CUBN: variants seen among roughly 807,000 people sequenced by gnomAD.
CUBN encodes cubilin, also known as 460 kDa receptor.
CUBN carries 282 observed loss-of-function variants against 405.3 expected under a neutral mutation model. The observed-to-expected ratio is 0.70, with a 90% confidence interval of 0.63 to 0.77. CUBN has a LOEUF of 0.77. Ranked by LOEUF, CUBN falls within the 30% of genes least tolerant of loss-of-function variation. The pLI, the probability that CUBN is intolerant of heterozygous loss-of-function variation, is 0.00. For synonymous variants in CUBN, 1,684 were observed against 1,617.0 expected, an observed-to-expected ratio of 1.04 and a Z score of -0.99; for missense variants, 4,514 against 4,475.2, an observed-to-expected ratio of 1.01 and a Z score of -0.25.
chr10:17,008,392 A>T (rs1484350185), intron 28 of CUBN, among the ~76,000 whole-genome samples: 1 of 130,942 alleles, frequency 7.6e-6, no homozygotes, highest in Non-Finnish European at 1.6e-5. Context: ...AGTAATTTTT[A>T]AATTTATTTT....
chr10:16,884,762 G>A (rs1272290927), intron 56 of CUBN, among the ~76,000 whole-genome samples: 8 of 152,050 alleles, frequency 5.3e-5, no homozygotes, highest in Non-Finnish European at 2.9e-5. Context: ...CGCCATATAG[G>A]GACAAGTGTG....
At chr10:16,855,165 G>T (rs78599526) in intron 59 of CUBN, among the ~76,000 whole-genome samples, 6 of 147,302 alleles carry the variant, frequency 4.1e-5, no homozygotes, top group Non-Finnish European at 8.9e-5. Flanking sequence ...GGCTGGTCTC[G>T]TATTCTTGGG....
rs1836870638 is a variant in CUBN at position 17,115,449 on chromosome 10, C to T, written c.720+22G>A. 7 of 1,613,118 alleles carry T rather than the reference C, an allele frequency of 4.3e-6. No homozygotes were observed. The South Asian group carries it at 6.6e-5, about 15-fold the overall frequency. On this transcript the variant is annotated intron_variant, in intron 7 of 66. Transcript: ENST00000377833. ...CTAACCATGGCTCTCTGCAAGGAGG[C>T]ACATTTGGGGAAGGGACCCACCTCT...
At chr10:17,001,412 T>A (rs1277889787) in intron 28 of CUBN, among the ~76,000 whole-genome samples, 1 of 152,196 alleles carries the variant, frequency 6.6e-6, no homozygotes, top group Non-Finnish European at 1.5e-5. Flanking sequence ...AGAGTGCTGA[T>A]TGGTCCGTTT....
At chr10:16,961,759 T>A (rs1843226115) in intron 31 of CUBN, among the ~76,000 whole-genome samples, 1 of 125,628 alleles carries the variant, frequency 8.0e-6, no homozygotes, top group Non-Finnish European at 1.6e-5. Flanking sequence ...TGGCCCAGGC[T>A]GGAGTGCAGT....
At chr10:17,060,000 T>G (rs537009620) in intron 22 of CUBN, among the ~76,000 whole-genome samples, 1 of 152,164 alleles carries the variant, frequency 6.6e-6, no homozygotes, top group East Asian at 1.9e-4. Context: ...AGATGAGAGA[T>G]CTCAGGTTCC....
chr10:16,872,602 C>T (rs1840392916), intron 58 of CUBN, among the ~76,000 whole-genome samples: 1 of 152,122 alleles, frequency 6.6e-6, no homozygotes, highest in South Asian at 2.1e-4. Context: ...CTTCTATAAG[C>T]CAGAAAACAG....
intron 31 of CUBN, among the ~76,000 whole-genome samples, chr10:16,975,222 G>C (rs939498416): frequency 6.6e-6 from 1 of 152,192 alleles, no homozygotes; most frequent in Non-Finnish European, 1.5e-5. Context: ...CCCAGCACTT[G>C]TTTTTGAGTT....
At position 16,888,495 on chromosome 10, in the gene CUBN, T is replaced by TG. The variant is rs1840888286; in HGVS notation, c.8826dup (p.Asn2943GlnfsTer11). ...TCTATGACATAGGTGCAATTCATGT[T>TG]GTTGTCATATTGTTTTGGGTAATTT... is the stretch of plus-strand genomic sequence containing the variant. On this transcript the variant is annotated frameshift_variant, in exon 56 of 67. Transcript: ENST00000377833. LOFTEE classifies it high-confidence loss of function. The TG allele has an allele frequency of 1.2e-6, 2 of 1,613,106 alleles. No individual in the cohort carries two copies. The highest frequency in any genetic ancestry group is 2.2e-5 in the South Asian group (2 of 91,064).
intron 28 of CUBN, among the ~76,000 whole-genome samples, chr10:17,017,597 C>T (rs1039252610): frequency 3.9e-5 from 6 of 152,126 alleles, no homozygotes; most frequent in Non-Finnish European, 7.4e-5. Flanking sequence ...TCTGATGCTA[C>T]CCATATCCTA....
intron 33 of CUBN, 96 bp downstream of exon 33, chr10:16,952,180 T>C: frequency 2.4e-6 from 2 of 845,608 alleles, no homozygotes; most frequent in South Asian, 1.4e-5. Flanking sequence ...AGGCCATCGA[T>C]TGTTAGCACT....
intron 28 of CUBN, among the ~76,000 whole-genome samples, chr10:17,002,629 G>C (rs1249079224): frequency 6.6e-6 from 1 of 152,174 alleles, no homozygotes; most frequent in Non-Finnish European, 1.5e-5. Flanking sequence ...TGTATTTACT[G>C]CTGTCGTCAA....
At chr10:17,037,277 T>C (rs999409293) in intron 27 of CUBN, among the ~76,000 whole-genome samples, 4 of 152,228 alleles carry the variant, frequency 2.6e-5, no homozygotes, top group Admixed American at 2.0e-4. Context: ...CCAATGAGTC[T>C]GTATGCAAAT....
In CUBN at chr10:16,950,078, T is replaced by G. The variant is rs1842888886; in HGVS notation, c.5003A>C (p.Glu1668Ala). The part of the protein sequence containing the change: ...NHITLSFTHF[E>A]LERSTTCARD... Reference sequence around the variant, plus strand: ...TGCACACGTTGTGCTTCTTTCAAGTTCAAAGTGGGTAAAAGAGAGGGTGAT... The same window carrying G: ...TGCACACGTTGTGCTTCTTTCAAGTGCAAAGTGGGTAAAAGAGAGGGTGAT... The change falls in exon 34 of 67, where the codon GAA (glutamate) becomes GCA (alanine). Residue 1668 changes from glutamate (E) to alanine (A), a missense_variant. This residue lies in a region of CUBN where 1,613 missense variants were observed against 1,542.8 expected (regional missense o/e 1.05). Coordinates refer to ENST00000377833, the MANE Select transcript of CUBN (RefSeq NM_001081.4). 2 of 1,613,730 alleles carry G rather than the reference T, an allele frequency of 1.2e-6. No homozygotes were observed. The highest frequency in any genetic ancestry group is 4.5e-5 in the East Asian group (2 of 44,862).
At position 17,072,377 on chromosome 10, in the gene CUBN, G is replaced by GA. The variant is rs961807068; in HGVS notation, c.2302-407dup. On this transcript the variant is annotated intron_variant, in intron 17 of 66. Coordinates refer to ENST00000377833, the MANE Select transcript of CUBN (RefSeq NM_001081.4). The stretch of plus-strand genomic sequence containing the variant: ...TACTTTTGCCATTGAAAGAAAAAAG[G>GA]AAAAAAAAGAAAAGTTGATGAAAGA... Among the ~76,000 whole-genome samples the GA allele has an allele frequency of 5.9e-5, 9 of 151,620 alleles. No homozygotes were observed. The East Asian group carries it at 7.8e-4, about 13-fold the overall frequency.
chr10:16,968,099 T>A (rs1353161669), intron 31 of CUBN, among the ~76,000 whole-genome samples: 1 of 152,202 alleles, frequency 6.6e-6, no homozygotes, highest in African/African-American at 2.4e-5. Context: ...AGAAGACTTG[T>A]TTCCATCATC....
At chr10:17,107,297 C>A (rs1216519962) in intron 10 of CUBN, among the ~76,000 whole-genome samples, 1 of 152,116 alleles carries the variant, frequency 6.6e-6, no homozygotes, top group Non-Finnish European at 1.5e-5. Flanking sequence ...CATCTCATTG[C>A]AGAAATATAT....
intron 28 of CUBN, among the ~76,000 whole-genome samples, chr10:17,013,101 AG>A (rs1205342389): frequency 6.6e-6 from 1 of 152,230 alleles, no homozygotes; most frequent in Non-Finnish European, 1.5e-5. Flanking sequence ...TATCTATTAT[AG>A]GTTTTAAATT....
At chr10:16,909,216 A>T (rs1342626377) in intron 48 of CUBN, among the ~76,000 whole-genome samples, 4 of 152,160 alleles carry the variant, frequency 2.6e-5, no homozygotes, top group African/African-American at 9.7e-5. Flanking sequence ...TACTATAATT[A>T]ATCAAATTTA....
Sources: gnomAD v4.1 joint callset for allele counts (sites outside exome capture counted in the v4.1 genomes callset) on GRCh38, gnomAD v4.1.1 for gene constraint, gnomAD v4.1.1 regional missense constraint, MANE v1.5 for transcripts, NCBI Gene and HGNC (gene_info 2026-07-23, HGNC 2026-07-21) for gene names.